The following AOPEP variants were observed in gnomAD, a reference collection of about 807,000 sequenced individuals.
AOPEP encodes aminopeptidase O.
In AOPEP, 77 loss-of-function variants were observed where a neutral mutation model predicts 98.1. The ratio of observed to expected loss-of-function variants is 0.78; its 90% CI spans 0.65 to 0.95. The LOEUF (loss-of-function observed/expected upper bound fraction) is 0.95, where lower values mean the gene tolerates loss of function less well. Ranked by LOEUF, AOPEP falls within the 40% of genes least tolerant of loss-of-function variation. AOPEP has a pLI of 0.00. For synonymous variants in AOPEP, 346 were observed against 365.3 expected, an observed-to-expected ratio of 0.95 and a Z score of 0.60; for missense variants, 1,024 against 1,024.7, an observed-to-expected ratio of 1.00 and a Z score of 0.01.
At chr9:95,042,930 G>A (rs1045888149) in intron 13 of AOPEP, among the ~76,000 whole-genome samples, 4 of 152,126 alleles carry the variant, frequency 2.6e-5, no homozygotes, top group African/African-American at 9.7e-5. Flanking sequence ...TAGTGAATTG[G>A]GGAGTTCATA....
chr9:94,901,629 A>T (rs957551613), intron 5 of AOPEP, among the ~76,000 whole-genome samples: 1 of 152,182 alleles, frequency 6.6e-6, no homozygotes, highest in Non-Finnish European at 1.5e-5. Context: ...AATGTGTATA[A>T]TAACTTTTCA....
chr9:94,959,486 G>A (rs530069918), intron 9 of AOPEP, among the ~76,000 whole-genome samples: 1 of 152,216 alleles, frequency 6.6e-6, no homozygotes, highest in African/African-American at 2.4e-5. Flanking sequence ...GATCATTAAT[G>A]TAAGCATTCA....
In AOPEP at chr9:94,940,530, A is replaced by G. The variant is rs202073982; in HGVS notation, c.1661+11999A>G. On this transcript the variant is annotated intron_variant, in intron 7 of 16. Coordinates refer to ENST00000375315, the MANE Select transcript of AOPEP (RefSeq NM_001193329.3). ...GGCACGAGAATTTCTTGAACCTGAGAGGCAGAGGCTGAAGTGAGCTCAGAC... is the reference window on the plus strand; with the variant it reads ...GGCACGAGAATTTCTTGAACCTGAGGGGCAGAGGCTGAAGTGAGCTCAGAC... Among the ~76,000 whole-genome samples, 20 of 152,258 alleles carry G rather than the reference A, an allele frequency of 1.3e-4. No individual in the cohort carries two copies. The East Asian group carries it at 2.7e-3, about 21-fold the overall frequency.
chr9:95,148,224 G>T, the AOPEP span, among the ~76,000 whole-genome samples: 1 of 152,104 alleles, frequency 6.6e-6, no homozygotes. Context: ...AATTCTGTAC[G>T]GTGAAAAGGA....
At chr9:94,738,652 C>A (rs1342630285) in intron 1 of AOPEP, among the ~76,000 whole-genome samples, 2 of 152,194 alleles carry the variant, frequency 1.3e-5, no homozygotes, top group Non-Finnish European at 2.9e-5. Flanking sequence ...CCGCTCACTG[C>A]AAGTTCCGCT....
At chr9:94,925,640 C>G (rs2054206408) in intron 6 of AOPEP, among the ~76,000 whole-genome samples, 1 of 152,212 alleles carries the variant, frequency 6.6e-6, no homozygotes, top group African/African-American at 2.4e-5. Flanking sequence ...TAAATTGGAG[C>G]TGGGTCTTGC....
At chr9:94,931,486 C>T (rs2055297726) in intron 7 of AOPEP, among the ~76,000 whole-genome samples, 1 of 152,170 alleles carries the variant, frequency 6.6e-6, no homozygotes, top group South Asian at 2.1e-4. Flanking sequence ...TTACTCCCAT[C>T]CCCTAGAATT....
chr9:95,145,241 A>T, the AOPEP span: 4 of 152,232 alleles, frequency 2.6e-5, no homozygotes, highest in Non-Finnish European at 5.9e-5. Context: ...ACACAATGAA[A>T]ATCTATTTGA....
intron 11 of AOPEP, among the ~76,000 whole-genome samples, chr9:94,985,045 C>A (rs1427067509): frequency 6.6e-6 from 1 of 152,262 alleles, no homozygotes. Flanking sequence ...CACAAGCACA[C>A]CGCCTCAGGT....
chr9:94,995,069 CAT>C (rs2061137066), intron 11 of AOPEP, among the ~76,000 whole-genome samples: 1 of 152,168 alleles, frequency 6.6e-6, no homozygotes, highest in African/African-American at 2.4e-5. Flanking sequence ...TAATAAGACA[CAT>C]GAGAAACAGA....
At chr9:94,931,910 TA>T in intron 7 of AOPEP, 1 of 1,173,960 alleles carries the variant, frequency 8.5e-7, no homozygotes, top group Non-Finnish European at 1.2e-6. Context: ...GCTGGCAGGT[TA>T]ACAGTCTCCA....
chr9:94,986,855 G>A (rs2060552745), intron 11 of AOPEP, among the ~76,000 whole-genome samples: 1 of 152,186 alleles, frequency 6.6e-6, no homozygotes, highest in African/African-American at 2.4e-5. Context: ...TTTCCAGAAC[G>A]AGTTTGAATC....
intron 5 of AOPEP, among the ~76,000 whole-genome samples, chr9:94,862,693 T>C (rs1292775963): frequency 6.6e-6 from 1 of 152,166 alleles, no homozygotes; most frequent in Non-Finnish European, 1.5e-5. Flanking sequence ...GGTTTCTGGA[T>C]TCCATCCCCA....
At chr9:94,852,889 C>G (rs1292117581) in intron 5 of AOPEP, among the ~76,000 whole-genome samples, 3 of 152,178 alleles carry the variant, frequency 2.0e-5, no homozygotes, top group Non-Finnish European at 2.9e-5. Flanking sequence ...TTTCCATTAT[C>G]TGCCATTCTT....
chr9:95,109,088 A>AT, the AOPEP span, among the ~76,000 whole-genome samples: 1 of 151,750 alleles, frequency 6.6e-6, no homozygotes, highest in Non-Finnish European at 1.5e-5. Flanking sequence ...TTCTTTATTT[A>AT]TTTTTTTGTA....
chr9:95,076,499 A>G (rs7033633), intron 14 of AOPEP, among the ~76,000 whole-genome samples: 31,755 of 152,180 alleles, frequency 0.21, 3,471 homozygotes, highest in Middle Eastern at 0.32. Context: ...ACTACCCTGC[A>G]ACCATTAATA....
chr9:95,085,764 T>G (rs2070587275), intron 16 of AOPEP, among the ~76,000 whole-genome samples: 1 of 152,222 alleles, frequency 6.6e-6, no homozygotes, highest in African/African-American at 2.4e-5. Flanking sequence ...AAAGGTCAAA[T>G]GTATTGAAAG....
chr9:95,126,610 G>A, the AOPEP span: 2 of 1,610,426 alleles, frequency 1.2e-6, no homozygotes, highest in South Asian at 2.2e-5. Context: ...ATGAGAATGT[G>A]AAATATCACA....
chr9:94,807,236 T>C (rs889479576), intron 5 of AOPEP, among the ~76,000 whole-genome samples: 3 of 152,208 alleles, frequency 2.0e-5, no homozygotes, highest in Non-Finnish European at 2.9e-5. Flanking sequence ...AATCTTCTTT[T>C]TGCCATTAAA....
Sources: allele counts gnomAD v4.1 joint callset (sites outside exome capture counted in the v4.1 genomes callset), GRCh38; gene constraint gnomAD v4.1.1; transcripts MANE v1.5; gene names NCBI Gene and HGNC (gene_info 2026-07-23, HGNC 2026-07-21).